PTPRN2: variants seen among roughly 807,000 people sequenced by gnomAD.
The protein encoded by PTPRN2 is protein tyrosine phosphatase receptor type N2.
PTPRN2 carries 74 observed loss-of-function variants against 118.8 expected under a neutral mutation model. That is an observed-to-expected ratio of 0.62 (90% CI 0.52 to 0.76). PTPRN2 has a LOEUF of 0.76. Among genes scored for constraint, PTPRN2 ranks in the 30% least tolerant of loss-of-function variants. The pLI, the probability that PTPRN2 is intolerant of heterozygous loss-of-function variation, is 0.00. For missense variants in PTPRN2, 1,481 were observed against 1,394.4 expected, an observed-to-expected ratio of 1.06 and a Z score of -0.99; for synonymous variants, 641 against 608.0, an observed-to-expected ratio of 1.05 and a Z score of -0.80.
intron 2 of PTPRN2, among the ~76,000 whole-genome samples, chr7:158,352,535 C>T (rs983759173): frequency 1.3e-5 from 2 of 152,224 alleles, no homozygotes; most frequent in Admixed American, 6.5e-5. Flanking sequence ...GTGCTGCAGC[C>T]GATTCGTGGC....
chr7:157,949,076 A>ATCAT (rs1376891774), intron 11 of PTPRN2, among the ~76,000 whole-genome samples: 1 of 152,208 alleles, frequency 6.6e-6, no homozygotes, highest in African/African-American at 2.4e-5. Context: ...TGCATATATG[A>ATCAT]GATGACCACA....
chr7:158,370,666 G>A (rs1482356175), intron 2 of PTPRN2, among the ~76,000 whole-genome samples: 1 of 149,644 alleles, frequency 6.7e-6, no homozygotes, highest in Non-Finnish European at 1.5e-5. Context: ...GCAGGAGAAT[G>A]CCATAAACCC....
At chr7:158,585,903 G>T (rs556850017) in intron 1 of PTPRN2, among the ~76,000 whole-genome samples, 1 of 152,332 alleles carries the variant, frequency 6.6e-6, no homozygotes, top group East Asian at 1.9e-4. Flanking sequence ...AAGCCAGCTG[G>T]AGGAAGGAAT....
At chr7:158,066,033 T>A (rs1810748481) in intron 11 of PTPRN2, among the ~76,000 whole-genome samples, 1 of 152,202 alleles carries the variant, frequency 6.6e-6, no homozygotes, top group Non-Finnish European at 1.5e-5. Context: ...CATGCCTCAG[T>A]TTACCTATGT....
rs182583116 is a variant in PTPRN2, at chr7:158,161,820, C to A, written c.910+5111G>T. On this transcript the variant is annotated intron_variant, in intron 6 of 22. Transcript: ENST00000389418. ...AGCCACAGACTGGAGAAAATGTTTA[C>A]AAAAGACATATCTGATATCTGATAA... 8.8e-4 allele frequency among the ~76,000 whole-genome samples: 112 copies of A among 127,904 alleles called. 3 individuals carry two copies. In the East Asian group the frequency reaches 0.03, roughly 35 times the overall value. 83.9% of individuals were successfully genotyped at this position (127,904 alleles called of 152,430 possible).
intron 2 of PTPRN2, among the ~76,000 whole-genome samples, chr7:158,453,598 C>T (rs1818241227): frequency 8.2e-6 from 1 of 122,356 alleles, no homozygotes; most frequent in Non-Finnish European, 1.8e-5. Context: ...GGAGAGGCTA[C>T]TGTTGCCCCT....
intron 12 of PTPRN2, among the ~76,000 whole-genome samples, chr7:157,734,290 C>T (rs28587410): frequency 0.13 from 17,805 of 140,296 alleles, 1,365 homozygotes; most frequent in Non-Finnish European, 0.17. Context: ...CCGTCCCATG[C>T]GCCCAGTGCA....
intron 2 of PTPRN2, among the ~76,000 whole-genome samples, chr7:158,361,971 G>C (rs1460409031): frequency 1.2e-4 from 18 of 152,058 alleles, no homozygotes; most frequent in Non-Finnish European, 2.4e-4. Context: ...TCCTCCCTTC[G>C]TTTCTTGGCC....
intron 12 of PTPRN2, among the ~76,000 whole-genome samples, chr7:157,719,322 C>T (rs900796793): frequency 1.1e-4 from 16 of 152,350 alleles, no homozygotes; most frequent in African/African-American, 3.4e-4. Flanking sequence ...GAGCGGAGAT[C>T]GTGCTTCCCA....
intron 9 of PTPRN2, among the ~76,000 whole-genome samples, chr7:158,118,242 G>A (rs1816883786): frequency 6.6e-6 from 1 of 152,080 alleles, no homozygotes; most frequent in Non-Finnish European, 1.5e-5. Context: ...ATGCAATTTT[G>A]TGATATCAAT....
chr7:158,141,436 C>T (rs958670383), intron 6 of PTPRN2, among the ~76,000 whole-genome samples: 5 of 152,186 alleles, frequency 3.3e-5, no homozygotes, highest in African/African-American at 1.2e-4. Context: ...CCCACGTGCC[C>T]CGTTCACTGC....
chr7:158,327,290 CAT>C (rs768096885), intron 2 of PTPRN2, among the ~76,000 whole-genome samples: 3 of 145,468 alleles, frequency 2.1e-5, no homozygotes, highest in South Asian at 2.3e-4. Flanking sequence ...CATGCTCACA[CAT>C]GTACACATTC....
chr7:157,837,475 A>G (rs1252210048), intron 12 of PTPRN2, among the ~76,000 whole-genome samples: 1 of 150,936 alleles, frequency 6.6e-6, no homozygotes, highest in Non-Finnish European at 1.5e-5. Context: ...TTTGATGCAG[A>G]GTCATCCGAG....
Position 158,409,453 on chromosome 7 carries a change from A to G in PTPRN2, c.163+80282T>C, listed in dbSNP as rs368446595. Reference sequence around the variant, plus strand: ...TGGAGAGGGCACAGAAGACCTGGTCAGTCTGAGGAAGGAAAGAGTGGCTGC... The same window carrying G: ...TGGAGAGGGCACAGAAGACCTGGTCGGTCTGAGGAAGGAAAGAGTGGCTGC... On this transcript the variant is annotated intron_variant, in intron 2 of 22. Transcript: ENST00000389418. 1.8e-4 allele frequency among the ~76,000 whole-genome samples: 28 copies of G among 152,324 alleles called. 1 individual carries two copies. The East Asian group carries it at 2.3e-3, about 13-fold the overall frequency.
At chr7:158,159,358 G>C (rs1822153402) in intron 6 of PTPRN2, among the ~76,000 whole-genome samples, 1 of 152,366 alleles carries the variant, frequency 6.6e-6, no homozygotes, top group Non-Finnish European at 1.5e-5. Context: ...TCTTAGGACA[G>C]AGGCTGGCTG....
chr7:158,363,903 A>G (rs1361901338), intron 2 of PTPRN2, among the ~76,000 whole-genome samples: 2 of 152,142 alleles, frequency 1.3e-5, no homozygotes, highest in Admixed American at 6.6e-5. Context: ...ATGACAGAAA[A>G]GGGGACTTCA....
chr7:158,145,499 A>G (rs759640748), intron 6 of PTPRN2, among the ~76,000 whole-genome samples: 28 of 152,244 alleles, frequency 1.8e-4, no homozygotes, highest in Non-Finnish European at 3.8e-4. Flanking sequence ...ACTGGCAGGC[A>G]TCCACCCTTG....
intron 3 of PTPRN2, among the ~76,000 whole-genome samples, chr7:158,312,819 A>AGGG (rs1801963486): frequency 6.6e-6 from 1 of 151,408 alleles, no homozygotes; most frequent in Admixed American, 6.6e-5. Flanking sequence ...GCTCACGTGT[A>AGGG]GATATCCCCT....
At chr7:157,876,545 C>G (rs1274424305) in intron 12 of PTPRN2, among the ~76,000 whole-genome samples, 2 of 152,160 alleles carry the variant, frequency 1.3e-5, no homozygotes, top group Admixed American at 6.5e-5. Context: ...AGTAAACGGC[C>G]CTAGAAGACG....
Sources: gnomAD v4.1 joint callset for allele counts (sites outside exome capture counted in the v4.1 genomes callset) on GRCh38, gnomAD v4.1.1 for gene constraint, MANE v1.5 for transcripts, NCBI Gene and HGNC (gene_info 2026-07-23, HGNC 2026-07-21) for gene names.